Variants in CNST observed in about 807,000 individuals in gnomAD.
CNST encodes consortin.
In CNST, 39 loss-of-function variants were observed where a neutral mutation model predicts 72.4. The ratio of observed to expected loss-of-function variants is 0.54; its 90% CI spans 0.42 to 0.70. CNST has a LOEUF of 0.70. Ranked by LOEUF, CNST falls within the 30% of genes least tolerant of loss-of-function variation. The pLI, the probability that CNST is intolerant of heterozygous loss-of-function variation, is 0.00. For synonymous variants in CNST, 332 were observed against 320.1 expected, an observed-to-expected ratio of 1.04 and a Z score of -0.40; for missense variants, 871 against 868.5, an observed-to-expected ratio of 1.00 and a Z score of -0.04.
intron 1 of CNST, among the ~76,000 whole-genome samples, chr1:246,585,660 A>T (rs866203221): frequency 0.083 from 6,198 of 74,628 alleles, 745 homozygotes; most frequent in African/African-American, 0.3. Flanking sequence ...AAAAAAAAAA[A>T]AAATATACAC....
chr1:246,630,753 G>GT (rs893210906), intron 3 of CNST, among the ~76,000 whole-genome samples: 54 of 151,000 alleles, frequency 3.6e-4, no homozygotes, highest in African/African-American at 6.1e-4. Context: ...GTTTGTTTTG[G>GT]TTTTTTTTTG....
intron 9 of CNST, among the ~76,000 whole-genome samples, chr1:246,650,971 C>G (rs1441327817): frequency 6.6e-6 from 1 of 152,144 alleles, no homozygotes; most frequent in Non-Finnish European, 1.5e-5. Flanking sequence ...AGCTACCATG[C>G]TTGGCCTTCA....
chr1:246,586,423 CTA>C (rs1225136540), intron 1 of CNST, among the ~76,000 whole-genome samples: 1 of 147,430 alleles, frequency 6.8e-6, no homozygotes, highest in Non-Finnish European at 1.5e-5. Context: ...TTATATATAT[CTA>C]TATATGATAT....
chr1:246,577,481 A>G (rs185257885), intron 1 of CNST, among the ~76,000 whole-genome samples: 1 of 152,216 alleles, frequency 6.6e-6, no homozygotes, highest in Non-Finnish European at 1.5e-5. Flanking sequence ...AGGTTACTCT[A>G]CTGTTGTTCA....
chr1:246,616,553 T>C (rs1271222968), intron 2 of CNST, among the ~76,000 whole-genome samples: 1 of 151,712 alleles, frequency 6.6e-6, no homozygotes, highest in Non-Finnish European at 1.5e-5. Context: ...ATGAGACTTA[T>C]TTTTTTCTTT....
chr1:246,634,989 C>T (rs1464934379), intron 6 of CNST, among the ~76,000 whole-genome samples: 9 of 131,952 alleles, frequency 6.8e-5, no homozygotes, highest in African/African-American at 1.5e-4. Flanking sequence ...GTCTTCCGGC[C>T]GGCCCTCTTC....
intron 9 of CNST, among the ~76,000 whole-genome samples, chr1:246,654,922 A>T (rs1666690167): frequency 6.6e-6 from 1 of 152,168 alleles, no homozygotes; most frequent in East Asian, 1.9e-4. Flanking sequence ...GCTCTCATAA[A>T]GCTTACTTTC....
intron 2 of CNST, among the ~76,000 whole-genome samples, chr1:246,601,044 C>T (rs1662255273): frequency 6.6e-6 from 1 of 152,172 alleles, no homozygotes; most frequent in Admixed American, 6.5e-5. Flanking sequence ...GTGGCTCACA[C>T]CTGTAATCCC....
intron 6 of CNST, among the ~76,000 whole-genome samples, chr1:246,637,653 T>G (rs1428950936): frequency 6.6e-6 from 1 of 152,216 alleles, no homozygotes; most frequent in Admixed American, 6.5e-5. Context: ...GTTGATGTTT[T>G]CAAGTTTGCC....
chr1:246,609,922 G>A (rs1213568026), intron 2 of CNST, among the ~76,000 whole-genome samples: 1 of 152,054 alleles, frequency 6.6e-6, no homozygotes, highest in African/African-American at 2.4e-5. Flanking sequence ...TCATAATGTT[G>A]TGCAACCATC....
At chr1:246,570,060 C>G (rs1272479103) in intron 1 of CNST, 1 of 274,594 alleles carries the variant, frequency 3.6e-6, no homozygotes, top group African/African-American at 2.3e-5. Context: ...AAGATCAAAT[C>G]TTTGAGCAAA....
chr1:246,568,766 G>T (rs1016292305), intron 1 of CNST, among the ~76,000 whole-genome samples: 1 of 152,164 alleles, frequency 6.6e-6, no homozygotes, highest in Non-Finnish European at 1.5e-5. Flanking sequence ...TAGTAGAGAC[G>T]GAGTTTCGCC....
intron 3 of CNST, among the ~76,000 whole-genome samples, chr1:246,621,906 G>A (rs1461490572): frequency 1.3e-5 from 2 of 152,076 alleles, no homozygotes; most frequent in Non-Finnish European, 2.9e-5. Flanking sequence ...AAGGTGGGAC[G>A]ATCACTCAAG....
At chr1:246,660,995 G>A (rs2103168632) in intron 10 of CNST, among the ~76,000 whole-genome samples, 1 of 151,036 alleles carries the variant, frequency 6.6e-6, no homozygotes, top group South Asian at 2.1e-4. Context: ...TTTTTAAGAC[G>A]GTCTTGCTCT....
At chr1:246,585,205 G>A (rs1361844376) in intron 1 of CNST, among the ~76,000 whole-genome samples, 2 of 152,156 alleles carry the variant, frequency 1.3e-5, no homozygotes, top group Admixed American at 6.5e-5. Flanking sequence ...AGCTCTGTGA[G>A]CCTGCTCAAC....
chr1:246,586,105 A>ATGTG (rs1305896995), intron 1 of CNST, among the ~76,000 whole-genome samples: 2 of 33,892 alleles, frequency 5.9e-5, no homozygotes, highest in African/African-American at 2.2e-4. Flanking sequence ...ATATATATAT[A>ATGTG]TATATATGTG....
intron 6 of CNST, among the ~76,000 whole-genome samples, chr1:246,638,923 TGAA>T (rs1322651518): frequency 1.4e-4 from 21 of 152,174 alleles, no homozygotes; most frequent in Non-Finnish European, 1.5e-5. Context: ...AGCATACAGT[TGAA>T]GGAGCCGTGG....
At chr1:246,623,473 A>T (rs9426251) in intron 3 of CNST, among the ~76,000 whole-genome samples, 3 of 151,906 alleles carry the variant, frequency 2.0e-5, no homozygotes, top group African/African-American at 7.3e-5. Context: ...TAAAGTAGGC[A>T]GGGCACAGTG....
intron 2 of CNST, among the ~76,000 whole-genome samples, chr1:246,596,743 T>C (rs1661915351): frequency 6.6e-6 from 1 of 152,204 alleles, no homozygotes; most frequent in Admixed American, 6.5e-5. Flanking sequence ...TTAGACATCC[T>C]AACCTGAGGC....
Sources: allele counts gnomAD v4.1 joint callset (sites outside exome capture counted in the v4.1 genomes callset), GRCh38; gene constraint gnomAD v4.1.1; transcripts MANE v1.5; gene names NCBI Gene and HGNC (gene_info 2026-07-23, HGNC 2026-07-21).